MLLT3: variants seen among roughly 807,000 people sequenced by gnomAD.
The protein encoded by MLLT3 is MLLT3 super elongation complex subunit.
MLLT3 carries 4 observed loss-of-function variants against 53.2 expected under a neutral mutation model. The observed-to-expected ratio is 0.08, with a 90% CI of 0.04 to 0.17. MLLT3 has a LOEUF of 0.17. MLLT3 is among the 10% of genes least tolerant of loss of function. The pLI is 1.00. For missense variants in MLLT3, 569 were observed against 684.0 expected (o/e 0.83, Z 1.87); for synonymous variants, 283 against 230.6 (o/e 1.23, Z -2.06).
chr9:20,453,257 A>G (rs1304225941), intron 3 of MLLT3, among the ~76,000 whole-genome samples: 12 of 152,178 alleles, frequency 7.9e-5, no homozygotes, highest in Admixed American at 7.9e-4. Flanking sequence ...GATATGCTTT[A>G]TCTTTTAAAG....
chr9:20,621,065 C>G lies in MLLT3; in HGVS notation c.13-231G>C, dbSNP rs967861057. The G allele has an allele frequency of 1.5e-6, 1 of 670,898 alleles. No individual in the cohort carries two copies. The highest frequency in any genetic ancestry group is 2.8e-5 in the East Asian group (1 of 36,210). The allele number at this position is 670,898 out of a possible 1,614,324, so 41.6% of individuals were successfully genotyped here. ...GGCGCCCCGGGCCCCGCATCTACAT[C>G]GGACAGGATTGTAACGGAATGTTAT... On this transcript the variant is annotated intron_variant, in intron 1 of 10. Coordinates refer to ENST00000380338, the MANE Select transcript of MLLT3 (RefSeq NM_004529.4). This position sits in a 1 kb window ranked among gnomAD's most constrained non-coding sequence, Gnocchi z 7.0.
In MLLT3 at chr9:20,620,252, A is replaced by AACAC. The variant is rs60526002; in HGVS notation, c.193+398_193+401dup. Among the ~76,000 whole-genome samples, 771 of 142,590 alleles carry AACAC rather than the reference A, an allele frequency of 5.4e-3. 3 individuals carry two copies. Among genetic ancestry groups the AACAC allele is most frequent in the Non-Finnish European group, 6.2e-3 (404 of 65,256 alleles). The allele number at this position is 142,590 out of a possible 152,430, so 93.5% of individuals were successfully genotyped here. A position where few individuals can be genotyped will look rare whatever the true frequency, so the allele number is the denominator to read the frequency against. On this transcript the variant is annotated intron_variant, in intron 2 of 10. Transcript: ENST00000380338. This position sits in a 1 kb window ranked among gnomAD's most constrained non-coding sequence, Gnocchi z 6.1. The stretch of plus-strand genomic sequence containing the variant: ...AGGTAAATCTTAATTTCTCTAGGAA[A>AACAC]ACACACACACACACACACACACACA...
At chr9:20,492,496 T>C (rs1461379969) in intron 2 of MLLT3, among the ~76,000 whole-genome samples, 4 of 152,114 alleles carry the variant, frequency 2.6e-5, no homozygotes, top group Non-Finnish European at 5.9e-5. Context: ...GGCGATATAA[T>C]TTCTTGAAAA....
At chr9:20,491,375 C>T (rs902711267) in intron 2 of MLLT3, among the ~76,000 whole-genome samples, 1 of 151,902 alleles carries the variant, frequency 6.6e-6, no homozygotes, top group Non-Finnish European at 1.5e-5. Flanking sequence ...GAACTATATA[C>T]AGTACCACAC....
intron 2 of MLLT3, among the ~76,000 whole-genome samples, chr9:20,501,346 C>G: frequency 6.6e-6 from 1 of 152,190 alleles, no homozygotes; most frequent in Non-Finnish European, 1.5e-5. Context: ...AAGACAGTTT[C>G]CTTCCCCTCA....
In MLLT3 at chr9:20,448,497, TCTC is replaced by T. The variant is rs898161956; in HGVS notation, c.277-234_277-232del. Among the ~76,000 whole-genome samples, 8 of 152,036 alleles carry T rather than the reference TCTC, an allele frequency of 5.3e-5. No individual in the cohort carries two copies. Among genetic ancestry groups the T allele is most frequent in the African/African-American group, 1.9e-4 (8 of 41,478 alleles). On this transcript the variant is annotated intron_variant, in intron 3 of 10. Coordinates refer to ENST00000380338, the MANE Select transcript of MLLT3 (RefSeq NM_004529.4). This position sits in a 1 kb window ranked among gnomAD's most constrained non-coding sequence, Gnocchi z 4.0. ...TAGGGGAAATGAAATAAGAAAAACT[TCTC>T]TTCTTCCCCATGATCTTTCAGGTGA... is the stretch of plus-strand genomic sequence containing the variant.
At chr9:20,404,209 T>A (rs1196494106) in intron 5 of MLLT3, among the ~76,000 whole-genome samples, 1 of 152,208 alleles carries the variant, frequency 6.6e-6, no homozygotes, top group Non-Finnish European at 1.5e-5. Flanking sequence ...AAATAGGAAA[T>A]GACGTTTTAG....
At chr9:20,497,060 A>G (rs1005545707) in intron 2 of MLLT3, among the ~76,000 whole-genome samples, 1 of 152,190 alleles carries the variant, frequency 6.6e-6, no homozygotes, top group Admixed American at 6.5e-5. Flanking sequence ...CCGTGATCAA[A>G]CCACAACTGA....
chr9:20,552,729 C>T (rs901962951), intron 2 of MLLT3, among the ~76,000 whole-genome samples: 3 of 151,984 alleles, frequency 2.0e-5, no homozygotes, highest in Non-Finnish European at 4.4e-5. Flanking sequence ...TAACTGTTAT[C>T]CAAATAAACC....
chr9:20,363,735 T>G, intron 6 of MLLT3, 130 bp from the exon 7 acceptor site: 1 of 804,412 alleles, frequency 1.2e-6, no homozygotes, highest in Non-Finnish European at 1.7e-6. Context: ...TTTATACAAT[T>G]TACAAGGCAA....
intron 4 of MLLT3, among the ~76,000 whole-genome samples, chr9:20,425,358 A>T (rs1286108231): frequency 6.6e-6 from 1 of 152,148 alleles, no homozygotes; most frequent in African/African-American, 2.4e-5. Context: ...TTCCTTCCAG[A>T]AAGTCGGAAG....
intron 5 of MLLT3, among the ~76,000 whole-genome samples, chr9:20,374,630 CA>C (rs1563941593): frequency 6.6e-6 from 1 of 152,128 alleles, no homozygotes; most frequent in Admixed American, 6.5e-5. Context: ...ATTTTATTAT[CA>C]TTTGGTTTTA....
intron 5 of MLLT3, among the ~76,000 whole-genome samples, chr9:20,404,276 TC>T (rs551710633): frequency 1.3e-3 from 195 of 152,328 alleles, no homozygotes; most frequent in Non-Finnish European, 2.3e-3. Context: ...ATCACTAGGT[TC>T]CTAGACTGCA....
intron 4 of MLLT3, among the ~76,000 whole-genome samples, chr9:20,427,528 T>C (rs1355440463): frequency 6.6e-6 from 1 of 151,866 alleles, no homozygotes; most frequent in East Asian, 1.9e-4. Context: ...ATAAAGAACA[T>C]AGGGACACAA....
chr9:20,566,603 C>T (rs1367755066), intron 2 of MLLT3, among the ~76,000 whole-genome samples: 1 of 151,964 alleles, frequency 6.6e-6, no homozygotes, highest in East Asian at 1.9e-4. Flanking sequence ...CAAGAAATGC[C>T]CTATTCACCT....
intron 2 of MLLT3, among the ~76,000 whole-genome samples, chr9:20,471,944 A>G (rs1824404318): frequency 6.6e-6 from 1 of 152,018 alleles, no homozygotes; most frequent in Non-Finnish European, 1.5e-5. Flanking sequence ...GAAAATGAAG[A>G]TCCTAAAAGA....
chr9:20,512,286 T>C (rs546161924), intron 2 of MLLT3, among the ~76,000 whole-genome samples: 1 of 152,332 alleles, frequency 6.6e-6, no homozygotes, highest in South Asian at 2.1e-4. Flanking sequence ...TTTTCTTAGA[T>C]GTTTAATACA....
chr9:20,568,679 C>T (rs998761283), intron 2 of MLLT3, among the ~76,000 whole-genome samples: 1 of 152,050 alleles, frequency 6.6e-6, no homozygotes, highest in East Asian at 1.9e-4. Flanking sequence ...CAAAAATATC[C>T]CAACAGAAAG....
In MLLT3 at chr9:20,530,944, T is replaced by C. The variant is rs149190825; in HGVS notation, c.194-74158A>G. On this transcript the variant is annotated intron_variant, in intron 2 of 10. Coordinates refer to ENST00000380338, the MANE Select transcript of MLLT3 (RefSeq NM_004529.4). The stretch of plus-strand genomic sequence containing the variant: ...TCGTGCCTGGCGCTGCTTGTACATT[T>C]TGAGCAAATTATGTATTACATATTT... Among the ~76,000 whole-genome samples the C allele has an allele frequency of 6.1e-4, 92 of 151,836 alleles. No individual in the cohort carries two copies. The East Asian group carries it at 0.016, about 26-fold the overall frequency.
Sources: gnomAD v4.1 joint callset for allele counts (sites outside exome capture counted in the v4.1 genomes callset) on GRCh38, gnomAD v4.1.1 for gene constraint, Gnocchi (gnomAD v3.1) non-coding constraint, MANE v1.5 for transcripts, NCBI Gene and HGNC (gene_info 2026-07-23, HGNC 2026-07-21) for gene names.